Variants in GABBR2 observed in about 807,000 individuals in gnomAD.
GABBR2 encodes gamma-aminobutyric acid type B receptor subunit 2.
Under a neutral mutation model 105.6 loss-of-function variants are expected in GABBR2, and 23 were observed. The observed-to-expected ratio is 0.22, with a 90% CI of 0.16 to 0.31. The LOEUF (loss-of-function observed/expected upper bound fraction) is 0.31. Ranked by LOEUF, GABBR2 falls within the 10% of genes least tolerant of loss-of-function variation. The pLI is 1.00. For synonymous variants in GABBR2, 478 were observed against 499.7 expected (o/e 0.96, Z 0.58); for missense variants, 734 against 1,245.5 (o/e 0.59, Z 6.18).
chr9:98,441,798 A>C (rs146541776), intron 7 of GABBR2, among the ~76,000 whole-genome samples: 18 of 152,344 alleles, frequency 1.2e-4, no homozygotes, highest in African/African-American at 4.3e-4. Flanking sequence ...AAAATGACTA[A>C]AACAGTAAAC....
intron 9 of GABBR2, among the ~76,000 whole-genome samples, chr9:98,392,087 T>A (rs1832191632): frequency 1.3e-5 from 2 of 151,968 alleles, no homozygotes; most frequent in African/African-American, 4.8e-5. Context: ...GTGGGGAAGG[T>A]CTGAGAAGCA....
intron 7 of GABBR2, among the ~76,000 whole-genome samples, chr9:98,427,012 C>A (rs1284837432): frequency 6.6e-6 from 1 of 152,110 alleles, no homozygotes; most frequent in Non-Finnish European, 1.5e-5. Context: ...CGAAAACAAA[C>A]AAACAAAAGA....
chr9:98,707,738 A>T (rs1830916795), intron 1 of GABBR2, among the ~76,000 whole-genome samples: 1 of 152,214 alleles, frequency 6.6e-6, no homozygotes, highest in Non-Finnish European at 1.5e-5. Flanking sequence ...CTGCCAGGGC[A>T]CTTTCTGAGC....
chr9:98,402,328 C>T (rs775216450), intron 8 of GABBR2, among the ~76,000 whole-genome samples: 11 of 152,024 alleles, frequency 7.2e-5, no homozygotes, highest in Admixed American at 2.6e-4. Context: ...TACTTTTTTT[C>T]TCTTAAGGGG....
At chr9:98,645,192 A>G (rs1830014941) in intron 1 of GABBR2, among the ~76,000 whole-genome samples, 1 of 152,160 alleles carries the variant, frequency 6.6e-6, no homozygotes, top group African/African-American at 2.4e-5. Flanking sequence ...GTTCTGCCTC[A>G]CCAGACTCAG....
At chr9:98,708,009 C>T (rs1830922883) in intron 1 of GABBR2, among the ~76,000 whole-genome samples, 2 of 152,228 alleles carry the variant, frequency 1.3e-5, no homozygotes, top group Non-Finnish European at 2.9e-5. Context: ...CTGGGTGGCC[C>T]AGTTTGCAGT....
chr9:98,644,584 G>A (rs984104197), intron 1 of GABBR2, among the ~76,000 whole-genome samples: 4 of 152,214 alleles, frequency 2.6e-5, no homozygotes, highest in African/African-American at 7.2e-5. Context: ...GCTCATGCCT[G>A]TAATCCCAGC....
chr9:98,288,190 A>T lies in GABBR2; in HGVS notation c.*2394T>A, dbSNP rs1398631811. 1.3e-5 allele frequency: 2 copies of T among 152,638 alleles called. No homozygotes were observed. Among genetic ancestry groups the T allele is most frequent in the Non-Finnish European group, 2.9e-5 (2 of 68,038 alleles). 9.5% of individuals were successfully genotyped at this position (152,638 alleles called of 1,614,324 possible). A position where few individuals can be genotyped will look rare whatever the true frequency, so the allele number is the denominator to read the frequency against. The stretch of plus-strand genomic sequence containing the variant: ...ACGAGAAATTCCTCATTTACATTTG[A>T]TTCTGGCAGTTCCAGTCTAATTTAA... On this transcript the variant is annotated 3_prime_UTR_variant, in exon 19 of 19. Coordinates refer to ENST00000259455, the MANE Select transcript of GABBR2 (RefSeq NM_005458.8).
At position 98,570,275 on chromosome 9, in the gene GABBR2, G is replaced by C. The variant is rs539920852; in HGVS notation, c.459+7660C>G. Among the ~76,000 whole-genome samples the C allele has an allele frequency of 1.9e-4, 29 of 152,332 alleles. No individual in the cohort carries two copies. The East Asian group carries it at 5.2e-3, about 27-fold the overall frequency. ...GGTGGGCTGTCGAGGGGCGGCTGGGGACAGCGCTGGGAGAAATGCATCTAC... is the reference window on the plus strand; with the variant it reads ...GGTGGGCTGTCGAGGGGCGGCTGGGCACAGCGCTGGGAGAAATGCATCTAC... On this transcript the variant is annotated intron_variant, in intron 2 of 18. Transcript: ENST00000259455.
chr9:98,411,173 T>C (rs1234977421), intron 7 of GABBR2, among the ~76,000 whole-genome samples: 1 of 152,238 alleles, frequency 6.6e-6, no homozygotes, highest in Non-Finnish European at 1.5e-5. Context: ...AAAGAGATGT[T>C]GCTAACGTCA....
intron 3 of GABBR2, among the ~76,000 whole-genome samples, chr9:98,510,756 C>T (rs892710979): frequency 5.9e-5 from 9 of 151,868 alleles, no homozygotes; most frequent in Non-Finnish European, 8.8e-5. Flanking sequence ...TACAGGAGCA[C>T]CCAGATTCAT....
intron 1 of GABBR2, chr9:98,607,305 G>A: frequency 1.1e-5 from 9 of 838,518 alleles, no homozygotes; most frequent in Middle Eastern, 3.4e-4. Context: ...TAACGGTGTA[G>A]CGTTGTTTAT....
chr9:98,384,051 G>A (rs1832028111), intron 11 of GABBR2, among the ~76,000 whole-genome samples: 1 of 151,964 alleles, frequency 6.6e-6, no homozygotes, highest in African/African-American at 2.4e-5. Context: ...CGTCTTGAAA[G>A]AAAACAGCAC....
intron 3 of GABBR2, among the ~76,000 whole-genome samples, chr9:98,510,857 A>C (rs1357423423): frequency 6.6e-6 from 1 of 151,824 alleles, no homozygotes; most frequent in African/African-American, 2.4e-5. Context: ...CATTAGAAAG[A>C]TCAACGAGGA....
intron 1 of GABBR2, among the ~76,000 whole-genome samples, chr9:98,592,861 G>A (rs1216923875): frequency 6.6e-6 from 1 of 152,216 alleles, no homozygotes; most frequent in East Asian, 1.9e-4. Flanking sequence ...TGGAAAAGGA[G>A]GTTGGGGCAG....
rs190552223 is a variant in GABBR2, at chr9:98,401,590, T to C, written c.1297+4491A>G. On this transcript the variant is annotated intron_variant, in intron 8 of 18. Coordinates refer to ENST00000259455, the MANE Select transcript of GABBR2 (RefSeq NM_005458.8). ...CCTGCTGGTATATCCTGAAGGATTA[T>C]GGACTATGACTCCACTCTTTAATTA... is the stretch of plus-strand genomic sequence containing the variant. 1.4e-3 allele frequency among the ~76,000 whole-genome samples: 215 copies of C among 152,298 alleles called. 1 individual carries two copies. The highest frequency in any genetic ancestry group is 7.2e-4 in the Non-Finnish European group (49 of 68,022).
intron 3 of GABBR2, among the ~76,000 whole-genome samples, chr9:98,511,562 T>C (rs993385790): frequency 1.4e-3 from 208 of 151,444 alleles, no homozygotes; most frequent in African/African-American, 4.8e-3. Context: ...CAATAAAAAA[T>C]GATAAAGGGG....
intron 2 of GABBR2, among the ~76,000 whole-genome samples, chr9:98,564,020 A>G (rs1828715378): frequency 7.1e-6 from 1 of 141,620 alleles, no homozygotes; most frequent in African/African-American, 2.5e-5. Context: ...GTTTGAAGGA[A>G]TCATTTATTT....
At chr9:98,609,412 C>T (rs1829474505) in intron 1 of GABBR2, among the ~76,000 whole-genome samples, 1 of 152,214 alleles carries the variant, frequency 6.6e-6, no homozygotes, top group East Asian at 1.9e-4. Flanking sequence ...CTCGAATGCC[C>T]TTACCCTTCC....
Sources: allele counts gnomAD v4.1 joint callset (sites outside exome capture counted in the v4.1 genomes callset), GRCh38; gene constraint gnomAD v4.1.1; transcripts MANE v1.5; gene names NCBI Gene and HGNC (gene_info 2026-07-23, HGNC 2026-07-21).